The following RBFOX1 variants were observed in gnomAD, a reference collection of about 807,000 sequenced individuals.
The protein encoded by RBFOX1 is RNA binding fox-1 homolog 1, also known as RNA binding protein fox-1 homolog 1.
A neutral mutation model predicts 57.7 loss-of-function variants in RBFOX1; 8 were observed. That is an observed-to-expected ratio of 0.14 (90% CI 0.08 to 0.25). The LOEUF (loss-of-function observed/expected upper bound fraction) is 0.25, where lower values mean the gene tolerates loss of function less well. Among genes scored for constraint, RBFOX1 ranks in the 10% least tolerant of loss-of-function variants. RBFOX1 has a pLI of 1.00. For synonymous variants in RBFOX1, 326 were observed against 222.4 expected (o/e 1.47, Z -4.15); for missense variants, 611 against 548.5 (o/e 1.11, Z -1.14).
At chr16:5,646,547 GGAGACACCTGCTATGTCAGA>G in intron 3 of RBFOX1, among the ~76,000 whole-genome samples, 1 of 152,306 alleles carries the variant, frequency 6.6e-6, no homozygotes, top group South Asian at 2.1e-4. Context: ...AGAATGCAGA[GGAGACACCTGCTATGTCAGA>G]GGGTCGCAGT....
intron 4 of RBFOX1, among the ~76,000 whole-genome samples, chr16:7,413,954 C>G (rs374166492): frequency 2.6e-5 from 4 of 152,252 alleles, no homozygotes; most frequent in African/African-American, 9.6e-5. Context: ...AATTACTTTC[C>G]AAACTCCAAG....
chr16:5,610,042 C>T (rs1318017211), intron 3 of RBFOX1, among the ~76,000 whole-genome samples: 1 of 152,210 alleles, frequency 6.6e-6, no homozygotes, highest in African/African-American at 2.4e-5. Context: ...GATGCTCACA[C>T]AACACTGAGC....
intron 14 of RBFOX1, among the ~76,000 whole-genome samples, chr16:7,703,641 C>A (rs1355078500): frequency 6.6e-6 from 1 of 152,196 alleles, no homozygotes; most frequent in Non-Finnish European, 1.5e-5. Context: ...ATCTCATTAG[C>A]ATCCAGCTTG....
At chr16:5,667,724 T>G (rs1363371150) in intron 3 of RBFOX1, among the ~76,000 whole-genome samples, 1 of 152,246 alleles carries the variant, frequency 6.6e-6, no homozygotes, top group East Asian at 1.9e-4. Context: ...ACTATTAGAA[T>G]TAGTTTTTCT....
At chr16:5,739,699 C>G (rs1276417471) in intron 3 of RBFOX1, among the ~76,000 whole-genome samples, 1 of 152,168 alleles carries the variant, frequency 6.6e-6, no homozygotes, top group Non-Finnish European at 1.5e-5. Context: ...ATTCTTAGAG[C>G]CAACAGAAAG....
intron 4 of RBFOX1, among the ~76,000 whole-genome samples, chr16:7,455,094 C>G (rs542905111): frequency 1.3e-5 from 2 of 152,310 alleles, no homozygotes; most frequent in South Asian, 4.1e-4. Context: ...GCAAACCAGA[C>G]CATTGTATTT....
intron 2 of RBFOX1, among the ~76,000 whole-genome samples, chr16:5,575,678 A>G (rs925829787): frequency 1.3e-5 from 2 of 152,206 alleles, no homozygotes; most frequent in South Asian, 4.1e-4. Context: ...TGGAGTGTGG[A>G]CCTAACCAGT....
chr16:6,002,344 G>A (rs1186632039), intron 4 of RBFOX1, among the ~76,000 whole-genome samples: 1 of 152,192 alleles, frequency 6.6e-6, no homozygotes, highest in Non-Finnish European at 1.5e-5. Context: ...CTCAAGAACT[G>A]AGGGAGTGGT....
chr16:6,135,557 T>C (rs541508295), intron 1 of RBFOX1, among the ~76,000 whole-genome samples: 4 of 152,216 alleles, frequency 2.6e-5, no homozygotes, highest in African/African-American at 7.2e-5. Flanking sequence ...TCATTGGATA[T>C]TTGAATGAAA....
intron 4 of RBFOX1, among the ~76,000 whole-genome samples, chr16:7,286,289 A>G (rs79585693): frequency 0.03 from 4,594 of 152,222 alleles, 132 homozygotes; most frequent in East Asian, 0.13. Context: ...GAAATTTCAT[A>G]TCCTTCCACC....
chr16:5,304,659 G>C (rs1319196768), intron 1 of RBFOX1, among the ~76,000 whole-genome samples: 1 of 152,146 alleles, frequency 6.6e-6, no homozygotes, highest in African/African-American at 2.4e-5. Context: ...AGATATTGTG[G>C]CTCTGTTCAT....
At chr16:7,114,924 G>C (rs2065563719) in intron 4 of RBFOX1, among the ~76,000 whole-genome samples, 1 of 152,144 alleles carries the variant, frequency 6.6e-6, no homozygotes, top group Non-Finnish European at 1.5e-5. Context: ...GTCTGGGAAG[G>C]GTAAGATCAC....
At chr16:7,370,178 C>G (rs1026715637) in intron 4 of RBFOX1, among the ~76,000 whole-genome samples, 19 of 152,170 alleles carry the variant, frequency 1.2e-4, no homozygotes, top group African/African-American at 4.6e-4. Flanking sequence ...CACCCCTTCC[C>G]TCATTATGAC....
At chr16:7,327,892 C>T (rs533533074) in intron 4 of RBFOX1, among the ~76,000 whole-genome samples, 42 of 152,156 alleles carry the variant, frequency 2.8e-4, no homozygotes, top group African/African-American at 8.7e-4. Flanking sequence ...TTGGTCCCCA[C>T]GGCTGCAGGT....
intron 4 of RBFOX1, among the ~76,000 whole-genome samples, chr16:7,508,032 G>A (rs2073941639): frequency 6.6e-6 from 1 of 151,558 alleles, no homozygotes; most frequent in Admixed American, 6.6e-5. Context: ...TATCACCCAG[G>A]CTGGAGTGCA....
chr16:7,162,194 G>A (rs1355682159), intron 4 of RBFOX1, among the ~76,000 whole-genome samples: 2 of 152,214 alleles, frequency 1.3e-5, no homozygotes, highest in East Asian at 3.9e-4. Flanking sequence ...AATGATGTCT[G>A]CTTTTTAAAG....
intron 2 of RBFOX1, among the ~76,000 whole-genome samples, chr16:6,624,333 C>T (rs553704291): frequency 6.6e-6 from 1 of 152,208 alleles, no homozygotes; most frequent in South Asian, 2.1e-4. Flanking sequence ...AAAACTGTCC[C>T]TTGCCTACTT....
intron 14 of RBFOX1, among the ~76,000 whole-genome samples, chr16:7,687,943 C>G (rs951210468): frequency 1.3e-5 from 2 of 151,974 alleles, no homozygotes; most frequent in Non-Finnish European, 2.9e-5. Flanking sequence ...GAACCACTCT[C>G]AAAGATGCTC....
In RBFOX1 at chr16:7,542,300, A is replaced by G. The variant is rs555238489; in HGVS notation, c.270+23911A>G. On this transcript the variant is annotated intron_variant, in intron 5 of 15. Coordinates refer to ENST00000550418, the MANE Select transcript of RBFOX1 (RefSeq NM_018723.4). ...TCCTCTGATACAGGGACCTGTGACA[A>G]AGACAGACTTGGAGCATGTAACTTG... Among the ~76,000 whole-genome samples the G allele has an allele frequency of 1.4e-4, 21 of 152,262 alleles. No homozygotes were observed. In the East Asian group the frequency reaches 4.1e-3, roughly 30 times the overall value.
Sources: gnomAD v4.1 joint callset for allele counts (sites outside exome capture counted in the v4.1 genomes callset) on GRCh38, gnomAD v4.1.1 for gene constraint, MANE v1.5 for transcripts, NCBI Gene and HGNC (gene_info 2026-07-23, HGNC 2026-07-21) for gene names.